The following LHFPL3 variants were observed in gnomAD, a reference collection of about 807,000 sequenced individuals.
LHFPL3 encodes the protein LHFPL tetraspan subfamily member 3, also known as LHFPL tetraspan subfamily member 3 protein.
Under a neutral mutation model 19.3 loss-of-function variants are expected in LHFPL3, and 5 were observed. That is an observed-to-expected ratio of 0.26 (90% confidence interval 0.14 to 0.54). LHFPL3 has a LOEUF of 0.54. LHFPL3 is among the 20% of genes least tolerant of loss of function. LHFPL3 has a pLI of 0.94. For synonymous variants in LHFPL3, 133 were observed against 126.2 expected, an observed-to-expected ratio of 1.05 and a Z score of -0.36; for missense variants, 249 against 307.4, an observed-to-expected ratio of 0.81 and a Z score of 1.42.
intron 1 of LHFPL3, among the ~76,000 whole-genome samples, chr7:104,518,593 G>A (rs890419875): frequency 6.6e-6 from 1 of 152,152 alleles, no homozygotes; most frequent in Non-Finnish European, 1.5e-5. Context: ...AGGCCAGCCT[G>A]GCCAACATGG....
At chr7:104,415,503 T>G (rs1160732) in intron 1 of LHFPL3, among the ~76,000 whole-genome samples, 84,556 of 151,958 alleles carry the variant, frequency 0.56, 26,382 homozygotes, top group African/African-American at 0.85. Context: ...TGAAAATTAA[T>G]AATATTATAT....
At chr7:104,677,634 A>C (rs1005239229) in intron 1 of LHFPL3, among the ~76,000 whole-genome samples, 3 of 152,220 alleles carry the variant, frequency 2.0e-5, no homozygotes, top group African/African-American at 7.2e-5. Context: ...CACAGAAGCA[A>C]CATTCTAGGG....
At position 104,459,668 on chromosome 7, in the gene LHFPL3, G is replaced by A. The variant is rs140969822; in HGVS notation, c.445+130444G>A. ...CTGGCTGAAGGCAAGGGACCTCTTC[G>A]TAACAGGCACTGGAGAGGAGATAAA... is the stretch of plus-strand genomic sequence containing the variant. On this transcript the variant is annotated intron_variant, in intron 1 of 2. Coordinates refer to ENST00000424859, the MANE Select transcript of LHFPL3 (RefSeq NM_199000.3). 6.5e-4 allele frequency among the ~76,000 whole-genome samples: 99 copies of A among 152,324 alleles called. No homozygotes were observed. In the East Asian group the frequency reaches 0.016, roughly 25 times the overall value.
At chr7:104,611,871 T>C (rs531587471) in intron 1 of LHFPL3, among the ~76,000 whole-genome samples, 12 of 152,318 alleles carry the variant, frequency 7.9e-5, no homozygotes, top group African/African-American at 2.9e-4. Context: ...CTTTGTATAA[T>C]AGATGATGCA....
chr7:104,843,326 A>C (rs753968940), intron 2 of LHFPL3, among the ~76,000 whole-genome samples: 1 of 152,176 alleles, frequency 6.6e-6, no homozygotes, highest in Non-Finnish European at 1.5e-5. Context: ...AAACACGCAC[A>C]CTTCCACCTC....
intron 1 of LHFPL3, among the ~76,000 whole-genome samples, chr7:104,330,955 T>C (rs1801556643): frequency 6.6e-6 from 1 of 152,156 alleles, no homozygotes; most frequent in South Asian, 2.1e-4. Context: ...AAATGACCTA[T>C]TTAGACAGGT....
At chr7:104,864,908 G>C (rs112148524) in intron 2 of LHFPL3, among the ~76,000 whole-genome samples, 1,649 of 152,310 alleles carry the variant, frequency 0.011, 36 homozygotes, top group African/African-American at 0.038. Flanking sequence ...AGCAACATTT[G>C]CTGTTCACCA....
At chr7:104,736,558 T>C (rs1368133141) in intron 1 of LHFPL3, 117 bp from the exon 2 acceptor site, 23 of 721,228 alleles carry the variant, frequency 3.2e-5, no homozygotes, top group Non-Finnish European at 4.6e-5. Flanking sequence ...ATTTGCTGTT[T>C]TTTAAATCAA....
chr7:104,417,119 G>A (rs531738831), intron 1 of LHFPL3, among the ~76,000 whole-genome samples: 2 of 152,138 alleles, frequency 1.3e-5, no homozygotes, highest in Non-Finnish European at 2.9e-5. Context: ...ATTCCATTAC[G>A]TTGATGTCTT....
chr7:104,849,176 C>A (rs1791369078), intron 2 of LHFPL3, among the ~76,000 whole-genome samples: 1 of 152,180 alleles, frequency 6.6e-6, no homozygotes, highest in African/African-American at 2.4e-5. Context: ...AGCCATCCAC[C>A]CACTTCGGCC....
At chr7:104,894,458 C>G (rs1217217075) in intron 2 of LHFPL3, among the ~76,000 whole-genome samples, 1 of 152,160 alleles carries the variant, frequency 6.6e-6, no homozygotes, top group Admixed American at 6.5e-5. Flanking sequence ...TAACTCAGAG[C>G]ATGACCACAT....
rs533555502 is a variant in LHFPL3 at position 104,462,398 on chromosome 7, T to A, written c.445+133174T>A. Among the ~76,000 whole-genome samples the A allele has an allele frequency of 3.9e-5, 6 of 152,318 alleles. No individual in the cohort carries two copies. In the South Asian group the frequency reaches 6.2e-4, roughly 16 times the overall value. ...GGATGGCTATTATTTTGAGGTATGT[T>A]CCTTCAATATGTAGTTTATTAAGAG... On this transcript the variant is annotated intron_variant, in intron 1 of 2. Coordinates refer to ENST00000424859, the MANE Select transcript of LHFPL3 (RefSeq NM_199000.3).
At chr7:104,771,026 G>A (rs527534678) in intron 2 of LHFPL3, among the ~76,000 whole-genome samples, 1 of 152,238 alleles carries the variant, frequency 6.6e-6, no homozygotes, top group East Asian at 1.9e-4. Flanking sequence ...ATATATTTAT[G>A]GATGAAAGAA....
chr7:104,404,596 G>A (rs1025486660), intron 1 of LHFPL3, among the ~76,000 whole-genome samples: 1 of 152,176 alleles, frequency 6.6e-6, no homozygotes, highest in Non-Finnish European at 1.5e-5. Context: ...TCAGAATTGA[G>A]CCATAAAAGT....
At chr7:104,456,313 C>T (rs1409648478) in intron 1 of LHFPL3, among the ~76,000 whole-genome samples, 1 of 152,082 alleles carries the variant, frequency 6.6e-6, no homozygotes, top group Non-Finnish European at 1.5e-5. Context: ...GAGTAAAAGG[C>T]CGAAATGCAT....
intron 1 of LHFPL3, among the ~76,000 whole-genome samples, chr7:104,379,354 C>G (rs976962778): frequency 2.6e-5 from 4 of 152,188 alleles, no homozygotes; most frequent in African/African-American, 9.7e-5. Context: ...CCAGAGGAAA[C>G]TAACTGCCAA....
chr7:104,487,792 TCACTC>T (rs1448087181), intron 1 of LHFPL3, among the ~76,000 whole-genome samples: 2 of 152,228 alleles, frequency 1.3e-5, no homozygotes, highest in Non-Finnish European at 2.9e-5. Context: ...TGGTCTTCCT[TCACTC>T]CATATATGAT....
At chr7:104,727,677 G>C (rs1009446843) in intron 1 of LHFPL3, among the ~76,000 whole-genome samples, 4 of 152,014 alleles carry the variant, frequency 2.6e-5, no homozygotes, top group African/African-American at 9.7e-5. Context: ...TTTGGCTTGA[G>C]CACTAAAAGA....
chr7:104,833,010 A>ATATTATATATAATAGATATATTATATCTC (rs1562807985), intron 2 of LHFPL3, among the ~76,000 whole-genome samples: 1 of 16,512 alleles, frequency 6.1e-5, no homozygotes, highest in Non-Finnish European at 1.3e-4. Flanking sequence ...TTATATATAT[A>ATATTATATATAATAGATATATTATATCTC]TATTATATAT....
Sources: gnomAD v4.1 joint callset for allele counts (sites outside exome capture counted in the v4.1 genomes callset) on GRCh38, gnomAD v4.1.1 for gene constraint, MANE v1.5 for transcripts, NCBI Gene and HGNC (gene_info 2026-07-23, HGNC 2026-07-21) for gene names.